KCNMB2: variants seen among roughly 807,000 people sequenced by gnomAD.
KCNMB2 encodes the protein calcium-activated potassium channel subunit beta-2.
Under a neutral mutation model 24.5 loss-of-function variants are expected in KCNMB2, and 9 were observed. That is an observed-to-expected ratio of 0.37 (90% CI 0.22 to 0.64). The LOEUF is 0.64. Among genes scored for constraint, KCNMB2 ranks in the 30% least tolerant of loss-of-function variants. KCNMB2 has a pLI of 0.63. For missense variants in KCNMB2, 226 were observed against 284.3 expected (o/e 0.79, Z 1.47); for synonymous variants, 109 against 104.4 (o/e 1.04, Z -0.27).
At chr3:178,704,575 A>C (rs866628467) in intron 1 of KCNMB2, among the ~76,000 whole-genome samples, 2 of 152,312 alleles carry the variant, frequency 1.3e-5, no homozygotes, top group South Asian at 2.1e-4. Flanking sequence ...TTGCAAAAAA[A>C]AATTTTCTTC....
chr3:178,724,853 T>C (rs966554003), intron 1 of KCNMB2, among the ~76,000 whole-genome samples: 3 of 152,164 alleles, frequency 2.0e-5, no homozygotes, highest in African/African-American at 7.2e-5. Flanking sequence ...TTCTCTTCCA[T>C]TGGTCTATGT....
intron 1 of KCNMB2, among the ~76,000 whole-genome samples, chr3:178,764,422 ATACT>A (rs1712034496): frequency 1.3e-5 from 2 of 152,326 alleles, no homozygotes; most frequent in East Asian, 1.9e-4. Flanking sequence ...AAATATACAA[ATACT>A]TACCATTGTG....
At chr3:178,799,948 A>G (rs1171548221) in intron 1 of KCNMB2, among the ~76,000 whole-genome samples, 1 of 152,196 alleles carries the variant, frequency 6.6e-6, no homozygotes, top group Non-Finnish European at 1.5e-5. Flanking sequence ...TTTTCAATAA[A>G]TGGTGCTGGG....
In KCNMB2 at chr3:178,757,749, T is replaced by TAAGAGGATATATATATATATCC. The variant is rs1294560822; in HGVS notation, c.-67-49578_-67-49557dup. ...ATATATCCAAGAGGATATATATATA[T>TAAGAGGATATATATATATATCC]AAGAGGATATATATATATATCCAAG... On this transcript the variant is annotated intron_variant, in intron 1 of 4. Coordinates refer to ENST00000452583, the MANE Select transcript of KCNMB2 (RefSeq NM_181361.3). Among the ~76,000 whole-genome samples the TAAGAGGATATATATATATATCC allele has an allele frequency of 1.3e-3, 95 of 74,746 alleles. 11 individuals are homozygous for TAAGAGGATATATATATATATCC. The highest frequency in any genetic ancestry group is 2.3e-3 in the Non-Finnish European group (80 of 35,252). 49.0% of individuals were successfully genotyped at this position (74,746 alleles called of 152,430 possible).
At chr3:178,594,980 T>G (rs945330324) in intron 1 of KCNMB2, among the ~76,000 whole-genome samples, 12 of 148,296 alleles carry the variant, frequency 8.1e-5, no homozygotes, top group African/African-American at 2.2e-4. Flanking sequence ...AATATAGACA[T>G]GGGCATACAA....
chr3:178,585,844 T>A (rs1717409901), intron 1 of KCNMB2, among the ~76,000 whole-genome samples: 1 of 152,102 alleles, frequency 6.6e-6, no homozygotes, highest in East Asian at 1.9e-4. Context: ...GGAGAGAAAA[T>A]AAAAGTGATC....
At chr3:178,586,614 G>A (rs1466922062) in intron 1 of KCNMB2, among the ~76,000 whole-genome samples, 4 of 120,438 alleles carry the variant, frequency 3.3e-5, no homozygotes, top group Admixed American at 1.2e-4. Context: ...GCATGATCTC[G>A]GCTCACTGCA....
chr3:178,829,828 T>C (rs1714987565), intron 4 of KCNMB2, among the ~76,000 whole-genome samples: 1 of 152,210 alleles, frequency 6.6e-6, no homozygotes, highest in African/African-American at 2.4e-5. Context: ...TATTCAGGAC[T>C]GGTACCTTAT....
At chr3:178,793,496 G>A (rs959655333) in intron 1 of KCNMB2, among the ~76,000 whole-genome samples, 2 of 149,118 alleles carry the variant, frequency 1.3e-5, no homozygotes, top group Admixed American at 6.9e-5. Context: ...GCCACCAAGC[G>A]GAAGCTGCTC....
At chr3:178,693,400 C>T (rs1309197135) in intron 1 of KCNMB2, among the ~76,000 whole-genome samples, 1 of 152,050 alleles carries the variant, frequency 6.6e-6, no homozygotes, top group Non-Finnish European at 1.5e-5. Flanking sequence ...TTATATGACT[C>T]TTATAATTTT....
chr3:178,710,137 A>G (rs1722402451), intron 1 of KCNMB2, among the ~76,000 whole-genome samples: 1 of 152,058 alleles, frequency 6.6e-6, no homozygotes, highest in Admixed American at 6.6e-5. Context: ...CCAAAAATTA[A>G]CTATATTAAT....
At chr3:178,554,880 G>GCT (rs1716072042) in intron 1 of KCNMB2, among the ~76,000 whole-genome samples, 2 of 152,316 alleles carry the variant, frequency 1.3e-5, no homozygotes, top group Admixed American at 1.3e-4. Flanking sequence ...ATGGGTCTCT[G>GCT]CTCTCTGCAA....
chr3:178,594,309 G>A (rs746175281), intron 1 of KCNMB2, among the ~76,000 whole-genome samples: 7 of 152,044 alleles, frequency 4.6e-5, no homozygotes, highest in Non-Finnish European at 8.8e-5. Context: ...AGTGAGAAGC[G>A]TGAGAAGAGC....
At chr3:178,747,720 T>TAA (rs1723717044) in intron 1 of KCNMB2, among the ~76,000 whole-genome samples, 1 of 152,208 alleles carries the variant, frequency 6.6e-6, no homozygotes, top group African/African-American at 2.4e-5. Context: ...ACCTCACTGT[T>TAA]ACTTGATTGA....
intron 1 of KCNMB2, among the ~76,000 whole-genome samples, chr3:178,737,447 C>A (rs754192839): frequency 2.0e-5 from 3 of 152,134 alleles, no homozygotes; most frequent in Non-Finnish European, 2.9e-5. Context: ...TCTCAAACTT[C>A]GTCCTTATTA....
Position 178,805,788 on chromosome 3 carries a change from C to T in KCNMB2, c.-67-1555C>T, listed in dbSNP as rs140678366. 7.2e-5 allele frequency among the ~76,000 whole-genome samples: 11 copies of T among 152,106 alleles called. No individual in the cohort carries two copies. In the East Asian group the frequency reaches 7.7e-4, roughly 11 times the overall value. On this transcript the variant is annotated intron_variant, in intron 1 of 4. Coordinates refer to ENST00000452583, the MANE Select transcript of KCNMB2 (RefSeq NM_181361.3). ...GGAACTACAGGCACACACTACCACA[C>T]GTGGCTAATTTTTTTTATTTTTAAT...
chr3:178,821,984 C>G (rs1302482326), intron 2 of KCNMB2, among the ~76,000 whole-genome samples: 1 of 152,136 alleles, frequency 6.6e-6, no homozygotes, highest in Admixed American at 6.5e-5. Flanking sequence ...TTCTTAAACT[C>G]TGCACAGAAG....
At chr3:178,600,403 T>C (rs908919236) in intron 1 of KCNMB2, among the ~76,000 whole-genome samples, 2 of 152,198 alleles carry the variant, frequency 1.3e-5, no homozygotes, top group African/African-American at 4.8e-5. Context: ...TTTAAGACCC[T>C]TCAATTACCT....
At chr3:178,568,902 GGATA>G (rs1447316689) in intron 1 of KCNMB2, among the ~76,000 whole-genome samples, 20 of 101,788 alleles carry the variant, frequency 2.0e-4, no homozygotes, top group Non-Finnish European at 3.0e-4. Flanking sequence ...ATAGATAGAT[GGATA>G]GATAGACTGA....
Sources: allele counts gnomAD v4.1 joint callset (sites outside exome capture counted in the v4.1 genomes callset), GRCh38; gene constraint gnomAD v4.1.1; transcripts MANE v1.5; gene names NCBI Gene and HGNC (gene_info 2026-07-23, HGNC 2026-07-21).